The following MAGI1 variants were observed in gnomAD, a reference collection of about 807,000 sequenced individuals.
MAGI1 encodes the protein membrane associated guanylate kinase, WW and PDZ domain containing 1.
A neutral mutation model predicts 139.9 loss-of-function variants in MAGI1; 58 were observed. That is an observed-to-expected ratio of 0.41 (90% CI 0.34 to 0.52). MAGI1 has a LOEUF of 0.52. MAGI1 is among the 20% of genes least tolerant of loss of function. The probability of loss-of-function intolerance (pLI) is 0.12; values close to 1 mark genes in which losing one functional copy is unlikely to be tolerated. For missense variants in MAGI1, 1,874 were observed against 1,901.6 expected, an observed-to-expected ratio of 0.99 and a Z score of 0.27; for synonymous variants, 812 against 737.9, an observed-to-expected ratio of 1.10 and a Z score of -1.63.
chr3:65,374,606 C>A (rs1942324618), intron 18 of MAGI1, among the ~76,000 whole-genome samples: 1 of 152,114 alleles, frequency 6.6e-6, no homozygotes, highest in African/African-American at 2.4e-5. Flanking sequence ...GCGTGAGACA[C>A]CGCATTCAGC....
chr3:65,509,575 C>A (rs980015325), intron 2 of MAGI1, among the ~76,000 whole-genome samples: 1 of 152,198 alleles, frequency 6.6e-6, no homozygotes, highest in Non-Finnish European at 1.5e-5. Context: ...TCACTCCCAC[C>A]CGAATATTTC....
intron 13 of MAGI1, among the ~76,000 whole-genome samples, chr3:65,392,347 G>A (rs1943994187): frequency 6.6e-6 from 1 of 152,094 alleles, no homozygotes; most frequent in Non-Finnish European, 1.5e-5. Context: ...CAGGTGTTTA[G>A]CATTCCCTAT....
At chr3:65,978,983 C>G (rs943991283) in intron 1 of MAGI1, among the ~76,000 whole-genome samples, 1 of 151,784 alleles carries the variant, frequency 6.6e-6, no homozygotes, top group Admixed American at 6.6e-5. Context: ...GAAAGCATCT[C>G]TTCCTTCATT....
At chr3:65,898,874 T>C (rs2061096021) in intron 1 of MAGI1, among the ~76,000 whole-genome samples, 1 of 152,218 alleles carries the variant, frequency 6.6e-6, no homozygotes, top group Middle Eastern at 3.2e-3. Context: ...TGTACAATTA[T>C]TATTTGTCAA....
chr3:65,576,285 G>A (rs1317739721), intron 2 of MAGI1, among the ~76,000 whole-genome samples: 1 of 152,164 alleles, frequency 6.6e-6, no homozygotes, highest in African/African-American at 2.4e-5. Flanking sequence ...GTGGCCCTCT[G>A]AAAATTCAGC....
In MAGI1 at chr3:65,756,454, A is replaced by G. The variant is rs867198170; in HGVS notation, c.314-134366T>C. On this transcript the variant is annotated intron_variant, in intron 1 of 22. Transcript: ENST00000402939. ...GCTCATAAAAACATGAGCAAAGGTC[A>G]TACTTCTCATGGGGACCCTGCTTAT... Among the ~76,000 whole-genome samples, 24 of 152,310 alleles carry G rather than the reference A, an allele frequency of 1.6e-4. 4 individuals are homozygous for G. Among genetic ancestry groups the G allele is most frequent in the African/African-American group, 5.1e-4 (21 of 41,564 alleles).
intron 1 of MAGI1, among the ~76,000 whole-genome samples, chr3:65,790,958 C>T (rs541176117): frequency 1.3e-5 from 2 of 152,094 alleles, no homozygotes; most frequent in East Asian, 3.9e-4. Context: ...GCCTGTAATC[C>T]CAGCTACTGG....
At chr3:65,424,026 A>C (rs114450110) in intron 12 of MAGI1, among the ~76,000 whole-genome samples, 2,213 of 152,330 alleles carry the variant, frequency 0.015, 33 homozygotes, top group Non-Finnish European at 0.021. Context: ...GATCCAACCC[A>C]TCATCACATT....
intron 14 of MAGI1, among the ~76,000 whole-genome samples, chr3:65,385,861 C>CTTAGCCA (rs1943409376): frequency 6.6e-6 from 1 of 152,148 alleles, no homozygotes; most frequent in African/African-American, 2.4e-5. Context: ...GTTCGAGTAG[C>CTTAGCCA]TGGCTACAGG....
intron 1 of MAGI1, among the ~76,000 whole-genome samples, chr3:66,010,834 C>G (rs1269521110): frequency 6.6e-6 from 1 of 152,202 alleles, no homozygotes; most frequent in Non-Finnish European, 1.5e-5. Context: ...CTCAGGATTT[C>G]CAGGCAGTGA....
intron 1 of MAGI1, among the ~76,000 whole-genome samples, chr3:65,920,423 C>T (rs1252298371): frequency 6.6e-6 from 1 of 152,138 alleles, no homozygotes; most frequent in Non-Finnish European, 1.5e-5. Flanking sequence ...CACACAAACA[C>T]CGTATGAATT....
chr3:65,591,274 C>T (rs1360010869), intron 2 of MAGI1, among the ~76,000 whole-genome samples: 3 of 152,148 alleles, frequency 2.0e-5, no homozygotes, highest in African/African-American at 7.2e-5. Flanking sequence ...TAGCAAATGA[C>T]TATTCTGTCC....
At chr3:65,969,350 G>C (rs1167816306) in intron 1 of MAGI1, among the ~76,000 whole-genome samples, 1 of 152,160 alleles carries the variant, frequency 6.6e-6, no homozygotes, top group African/African-American at 2.4e-5. Flanking sequence ...TCTGTGTTAG[G>C]GGCTGGGGGG....
chr3:65,867,538 T>C (rs935732502), intron 1 of MAGI1, among the ~76,000 whole-genome samples: 9 of 152,092 alleles, frequency 5.9e-5, no homozygotes, highest in African/African-American at 2.2e-4. Flanking sequence ...AGTTCGAGAC[T>C]AGCCTAGGCA....
intron 1 of MAGI1, among the ~76,000 whole-genome samples, chr3:65,672,561 A>G (rs1011224318): frequency 2.6e-5 from 4 of 152,192 alleles, no homozygotes; most frequent in South Asian, 2.1e-4. Context: ...AATAGGAACA[A>G]TCTTCATTGA....
At position 65,400,135 on chromosome 3, in the gene MAGI1, C is replaced by T. The variant is rs143739504; in HGVS notation, c.2199+1304G>A. ...ACCAAGGGACAGGGAGACACACATG[C>T]GCACATGCACACACTTTGGCATCTT... On this transcript the variant is annotated intron_variant, in intron 13 of 22. Transcript: ENST00000402939. Among the ~76,000 whole-genome samples the T allele has an allele frequency of 9.9e-5, 15 of 152,254 alleles. 1 individual carries two copies. The South Asian group carries it at 1.9e-3, about 19-fold the overall frequency.
At position 65,630,991 on chromosome 3, in the gene MAGI1, C is replaced by G. The variant is rs190794743; in HGVS notation, c.314-8903G>C. Among the ~76,000 whole-genome samples the G allele has an allele frequency of 8.5e-5, 13 of 152,288 alleles. No homozygotes were observed. In the East Asian group the frequency reaches 2.5e-3, roughly 29 times the overall value. ...GGATTTGAGCCATGGAGGTAGAGGACGTGGTCTAAATATCAACGTTTCTTT... is the reference window on the plus strand; with the variant it reads ...GGATTTGAGCCATGGAGGTAGAGGAGGTGGTCTAAATATCAACGTTTCTTT... On this transcript the variant is annotated intron_variant, in intron 1 of 22. Coordinates refer to ENST00000402939, the MANE Select transcript of MAGI1 (RefSeq NM_001033057.2).
intron 1 of MAGI1, among the ~76,000 whole-genome samples, chr3:65,735,672 T>G (rs1386790124): frequency 3.3e-5 from 5 of 152,108 alleles, no homozygotes; most frequent in African/African-American, 1.2e-4. Flanking sequence ...TCAGTTATCA[T>G]TATTATCAAC....
chr3:66,002,599 T>C (rs1221846777), intron 1 of MAGI1, among the ~76,000 whole-genome samples: 2 of 152,090 alleles, frequency 1.3e-5, no homozygotes, highest in Non-Finnish European at 2.9e-5. Context: ...CACTGCAGCC[T>C]CCACCTCCCT....
Sources: gnomAD v4.1 joint callset for allele counts (sites outside exome capture counted in the v4.1 genomes callset) on GRCh38, gnomAD v4.1.1 for gene constraint, MANE v1.5 for transcripts, NCBI Gene and HGNC (gene_info 2026-07-23, HGNC 2026-07-21) for gene names.